PTPN23: variants seen among roughly 807,000 people sequenced by gnomAD.
PTPN23 encodes the protein tyrosine-protein phosphatase non-receptor type 23.
A neutral mutation model predicts 156.3 loss-of-function variants in PTPN23; 72 were observed. The ratio of observed to expected loss-of-function variants is 0.46; its 90% confidence interval spans 0.38 to 0.56. The LOEUF (loss-of-function observed/expected upper bound fraction) is 0.56. PTPN23 is among the 20% of genes least tolerant of loss of function. The pLI is 0.00. For missense variants in PTPN23, 1,974 were observed against 2,171.5 expected, an observed-to-expected ratio of 0.91 and a Z score of 1.81; for synonymous variants, 957 against 899.6, an observed-to-expected ratio of 1.06 and a Z score of -1.14.
At chr3:47,400,731 G>A (rs1477629008) in intron 2 of PTPN23, among the ~76,000 whole-genome samples, 3 of 151,906 alleles carry the variant, frequency 2.0e-5, no homozygotes, top group African/African-American at 7.3e-5. Flanking sequence ...TCGCCATCAC[G>A]CCCAGCTATA....
intron 1 of PTPN23, among the ~76,000 whole-genome samples, chr3:47,393,884 C>T (rs1160975429): frequency 4.6e-5 from 7 of 151,284 alleles, no homozygotes; most frequent in Admixed American, 6.6e-5. Flanking sequence ...GGACTACAGG[C>T]GTGGGCTACC....
At chr3:47,393,815 G>A (rs937374437) in intron 1 of PTPN23, among the ~76,000 whole-genome samples, 8 of 151,512 alleles carry the variant, frequency 5.3e-5, no homozygotes, top group Admixed American at 3.3e-4. Flanking sequence ...TGTGCACACA[G>A]CTCACCACAG....
Position 47,407,127 on chromosome 3 carries a change from C to T in PTPN23, c.808-3C>T. On this transcript the variant is annotated splice_polypyrimidine_tract_variant and splice_region_variant and intron_variant, in intron 9 of 24. Coordinates refer to ENST00000265562, the MANE Select transcript of PTPN23 (RefSeq NM_015466.4). This position sits in a 1 kb window ranked among gnomAD's most constrained non-coding sequence, Gnocchi z 4.0. ...GAGCAGGCTTTCCTGCCACCCTCCA[C>T]AGGTTGCATACTTCCAGAGCGCCCT... The T allele has an allele frequency of 6.2e-7, 1 of 1,614,010 alleles. No homozygotes were observed. The highest frequency in any genetic ancestry group is 8.5e-7 in the Non-Finnish European group (1 of 1,179,968).
At chr3:47,383,950 G>T (rs1433527503) in intron 1 of PTPN23, among the ~76,000 whole-genome samples, 1 of 152,166 alleles carries the variant, frequency 6.6e-6, no homozygotes, top group East Asian at 1.9e-4. Context: ...TGGCACCCTT[G>T]TCCTGCTTTA....
rs185820072 is a variant in PTPN23, at chr3:47,384,937, T to C, written c.84+3757T>C. Among the ~76,000 whole-genome samples the C allele has an allele frequency of 9.0e-3, 1,370 of 152,272 alleles. 8 individuals carry two copies. Among genetic ancestry groups the C allele is most frequent in the Non-Finnish European group, 0.014 (959 of 68,032 alleles). On this transcript the variant is annotated intron_variant, in intron 1 of 24. Coordinates refer to ENST00000265562, the MANE Select transcript of PTPN23 (RefSeq NM_015466.4). ...GCCACCACGCCTGGCTAATTTTGTA[T>C]TTTTAGTAGAGACGGGGTTTCTCCA...
chr3:47,407,965 G>A lies in PTPN23; in HGVS notation c.1184+10G>A, dbSNP rs760173807. On this transcript the variant is annotated intron_variant, in intron 14 of 24. Transcript: ENST00000265562. This position sits in a 1 kb window ranked among gnomAD's most constrained non-coding sequence, Gnocchi z 4.0. ...AGAATGAGGTCCTGGAGTGAGTGTG[G>A]GACTTGGGCAGGGAGGCGGAGGCAG... The A allele has an allele frequency of 6.2e-7, 1 of 1,613,132 alleles. No individual in the cohort carries two copies. The highest frequency in any genetic ancestry group is 2.2e-5 in the East Asian group (1 of 44,850).
chr3:47,413,156 G>T lies in PTPN23; in HGVS notation c.4882G>T (p.Asp1628Tyr). ...CTCTGACGACCCCCTCAGCCTTCTG[G>T]ATCCACTCTGGACACTCAACAAGAC... Reference protein sequence around the residue: ...RPSDDPLSLLDPLWTLNKT With the variant: ...RPSDDPLSLLYPLWTLNKT The change falls in exon 25 of 25, where the codon GAT becomes TAT. Residue 1628 changes from aspartate to tyrosine, a missense_variant. Asp to Tyr is a radical substitution (Grantham distance 160, BLOSUM62 -3). Around this residue, in one of 4 missense-constraint regions of PTPN23, gnomAD observed 484 missense variants for 516.0 expected, o/e 0.94. Coordinates refer to ENST00000265562, the MANE Select transcript of PTPN23 (RefSeq NM_015466.4). The T allele has an allele frequency of 1.2e-6, 2 of 1,612,530 alleles. No homozygotes were observed. Among genetic ancestry groups the T allele is most frequent in the Non-Finnish European group, 1.7e-6 (2 of 1,179,874 alleles).
At chr3:47,385,964 G>A (rs1487683917) in intron 1 of PTPN23, among the ~76,000 whole-genome samples, 1 of 151,994 alleles carries the variant, frequency 6.6e-6, no homozygotes, top group Non-Finnish European at 1.5e-5. Context: ...TCCACATCTG[G>A]TCACTGCCCT....
Position 47,412,786 on chromosome 3 carries a change from G to A in PTPN23, c.4512G>A (p.Lys1504=). 4 of 1,613,254 alleles carry A rather than the reference G, an allele frequency of 2.5e-6. No individual in the cohort carries two copies. The highest frequency in any genetic ancestry group is 3.4e-6 in the Non-Finnish European group (4 of 1,179,764). Residue 1504 remains lysine (K), a synonymous_variant, in exon 25 of 25, where the codon AAG becomes AAA. Transcript: ENST00000265562. The part of the protein sequence containing the change: ...PISSIQATIA[K]LSIRPPGGLE... ...GCTCCATCCAGGCCACCATTGCCAA[G>A]CTCAGCATTCGGCCTCCTGGGGGGT...
At chr3:47,384,952 G>A (rs528440532) in intron 1 of PTPN23, among the ~76,000 whole-genome samples, 1 of 152,088 alleles carries the variant, frequency 6.6e-6, no homozygotes, top group Non-Finnish European at 1.5e-5. Flanking sequence ...AGTAGAGACG[G>A]GGTTTCTCCA....
intron 2 of PTPN23, among the ~76,000 whole-genome samples, chr3:47,398,981 G>A (rs982474594): frequency 4.6e-5 from 7 of 152,200 alleles, no homozygotes; most frequent in African/African-American, 1.4e-4. Context: ...ACTCTTTAGT[G>A]TCTGCCTCCC....
Position 47,411,443 on chromosome 3 carries a change from C to T in PTPN23, c.3645C>T (p.Arg1215=). The change falls in exon 20 of 25, where the codon CGC becomes CGT. Residue 1215 remains arginine (R), a synonymous_variant. Transcript: ENST00000265562. The surrounding 1 kb of genome is among the most constrained non-coding windows in gnomAD (Gnocchi z 6.3). ...GAGGCCGTTCCATCGCCATTGCCCGCTGCTACTCACTGAAGAACCGGCACC... is the reference window on the plus strand; with the variant it reads ...GAGGCCGTTCCATCGCCATTGCCCGTTGCTACTCACTGAAGAACCGGCACC... ...DARGRSIAIA[R]CYSLKNRHQD... The T allele has an allele frequency of 3.1e-6, 5 of 1,613,154 alleles. No individual in the cohort carries two copies. Among genetic ancestry groups the T allele is most frequent in the Non-Finnish European group, 3.4e-6 (4 of 1,180,026 alleles).
Position 47,411,120 on chromosome 3 carries a change from C to T in PTPN23, c.3322C>T (p.Pro1108Ser), listed in dbSNP as rs777524192. Residue 1108 changes from proline to serine, a missense_variant, in exon 20 of 25, where the codon CCT becomes TCT. By Grantham distance (74) the Pro-to-Ser change is moderately conservative. This residue lies in a region of PTPN23 where 731 missense variants were observed against 669.1 expected (regional missense o/e 1.09). Coordinates refer to ENST00000265562, the MANE Select transcript of PTPN23 (RefSeq NM_015466.4). This position sits in a 1 kb window ranked among gnomAD's most constrained non-coding sequence, Gnocchi z 6.3. ...TCGCCCCCCAGCAGCAGAACCACCC[C>T]CTTGCCTGCGCCGAGGCGCCGCAGC... ...PPRPPAAEPP[P>S]CLRRGAAAAD... 6 of 1,603,328 alleles carry T rather than the reference C, an allele frequency of 3.7e-6. No homozygotes were observed. The highest frequency in any genetic ancestry group is 1.7e-5 in the Admixed American group (1 of 59,026).
In PTPN23 at chr3:47,413,189, G is replaced by C; in HGVS notation, c.*4G>C. The C allele has an allele frequency of 6.2e-7, 1 of 1,605,512 alleles. No homozygotes were observed. The highest frequency in any genetic ancestry group is 8.5e-7 in the Non-Finnish European group (1 of 1,175,416). On this transcript the variant is annotated 3_prime_UTR_variant, in exon 25 of 25. Transcript: ENST00000265562. ...CTGGACACTCAACAAGACCTGAACA[G>C]GTTTTGCCTACCTGGTCCTTACACT...
At position 47,407,068 on chromosome 3, in the gene PTPN23, G is replaced by A; in HGVS notation, c.808-62G>A. 6.2e-7 allele frequency: 1 copy of A among 1,604,544 alleles called. No individual in the cohort carries two copies. Among genetic ancestry groups the A allele is most frequent in the Non-Finnish European group, 8.5e-7 (1 of 1,172,512 alleles). On this transcript the variant is annotated intron_variant, in intron 9 of 24. Transcript: ENST00000265562. This position sits in a 1 kb window ranked among gnomAD's most constrained non-coding sequence, Gnocchi z 4.0. ...ATGGACAGGCAGGGCCGGGTGGGAGGCAGGAGGAGAAAGGGTCCAAGCAGA... is the reference window on the plus strand; with the variant it reads ...ATGGACAGGCAGGGCCGGGTGGGAGACAGGAGGAGAAAGGGTCCAAGCAGA...
intron 2 of PTPN23, among the ~76,000 whole-genome samples, chr3:47,404,091 A>G (rs1376386407): frequency 6.6e-6 from 1 of 152,200 alleles, no homozygotes; most frequent in African/African-American, 2.4e-5. Flanking sequence ...CTGTGGGCCA[A>G]AAGTTAAGTA....
At chr3:47,403,389 A>C (rs546284744) in intron 2 of PTPN23, among the ~76,000 whole-genome samples, 143 of 151,850 alleles carry the variant, frequency 9.4e-4, no homozygotes, top group African/African-American at 3.3e-3. Flanking sequence ...ATAGCATGCC[A>C]TAGGCATCTT....
Position 47,410,751 on chromosome 3 carries a change from C to T in PTPN23, c.2953C>T (p.Pro985Ser), listed in dbSNP as rs376912771. The change falls in exon 20 of 25, where the codon CCA becomes TCA. Residue 985 changes from proline (P) to serine (S), a missense_variant. Physicochemically the swap from Pro to Ser is moderately conservative, Grantham distance 74. This residue lies in a region of PTPN23 where 731 missense variants were observed against 669.1 expected (regional missense o/e 1.09). Transcript: ENST00000265562. ...PLPLQHPHLF[P>S]PQAPGLLPPQ... ...TCCACTCCAGCATCCACATCTCTTC[C>T]CACCCCAGGCCCCAGGACTCCTACC... 1 of 1,557,902 alleles carries T rather than the reference C, an allele frequency of 6.4e-7. No individual in the cohort carries two copies. Among genetic ancestry groups the T allele is most frequent in the African/African-American group, 1.4e-5 (1 of 73,378 alleles).
intron 15 of PTPN23, 36 bp downstream of exon 15, chr3:47,408,526 T>A: frequency 6.3e-7 from 1 of 1,587,140 alleles, no homozygotes; most frequent in Non-Finnish European, 8.6e-7. Flanking sequence ...TGGAAGGGAG[T>A]GTGGAGGTCA....
Sources: gnomAD v4.1 joint callset for allele counts (sites outside exome capture counted in the v4.1 genomes callset) on GRCh38, gnomAD v4.1.1 for gene constraint, gnomAD v4.1.1 regional missense constraint, Gnocchi (gnomAD v3.1) non-coding constraint, MANE v1.5 for transcripts, NCBI Gene and HGNC (gene_info 2026-07-23, HGNC 2026-07-21) for gene names.